The following FGGY variants were observed in gnomAD, a reference collection of about 807,000 sequenced individuals.
The protein encoded by FGGY is FGGY carbohydrate kinase domain-containing protein.
A neutral mutation model predicts 71.3 loss-of-function variants in FGGY; 72 were observed. The observed-to-expected ratio is 1.01, with a 90% confidence interval of 0.84 to 1.23. The LOEUF is 1.23. Ranked by LOEUF, FGGY falls within the 50% of genes most tolerant of loss-of-function variation. The pLI is 0.00. For missense variants in FGGY, 668 were observed against 682.3 expected, an observed-to-expected ratio of 0.98 and a Z score of 0.23; for synonymous variants, 251 against 250.3, an observed-to-expected ratio of 1.00 and a Z score of -0.02.
intron 1 of FGGY, among the ~76,000 whole-genome samples, chr1:59,316,589 C>G (rs2045498951): frequency 6.6e-6 from 1 of 152,182 alleles, no homozygotes. Context: ...GAATCAGCCA[C>G]AAAGTCTGTG....
At chr1:59,733,051 A>G (rs2098056178) in intron 14 of FGGY, among the ~76,000 whole-genome samples, 2 of 151,894 alleles carry the variant, frequency 1.3e-5, no homozygotes, top group South Asian at 2.1e-4. Flanking sequence ...CCTACTCGCT[A>G]CTACTACTTA....
At chr1:59,352,183 G>T (rs944792215) in intron 4 of FGGY, among the ~76,000 whole-genome samples, 1 of 152,194 alleles carries the variant, frequency 6.6e-6, no homozygotes. Flanking sequence ...GGCTTGAGCA[G>T]CTGGGGTCTC....
intron 1 of FGGY, among the ~76,000 whole-genome samples, chr1:59,303,719 A>T (rs1173416732): frequency 6.6e-6 from 1 of 152,106 alleles, no homozygotes; most frequent in Non-Finnish European, 1.5e-5. Flanking sequence ...TCCTACCAAC[A>T]GTGTACAATG....
intron 2 of FGGY, among the ~76,000 whole-genome samples, chr1:59,323,789 A>G (rs2046835374): frequency 6.6e-6 from 1 of 152,254 alleles, no homozygotes; most frequent in East Asian, 1.9e-4. Flanking sequence ...ATAGGATGTC[A>G]TAACATTGCC....
At chr1:59,559,992 G>C (rs1015723574) in intron 8 of FGGY, among the ~76,000 whole-genome samples, 2 of 152,162 alleles carry the variant, frequency 1.3e-5, no homozygotes, top group Non-Finnish European at 2.9e-5. Flanking sequence ...TTAAGTGTGG[G>C]CTGCACATAG....
intron 1 of FGGY, among the ~76,000 whole-genome samples, chr1:59,307,053 G>A (rs1412680979): frequency 6.6e-6 from 1 of 152,164 alleles, no homozygotes; most frequent in Non-Finnish European, 1.5e-5. Context: ...GGTGGCTCAT[G>A]TCTGTAATCT....
chr1:59,507,218 G>A (rs1054585327), intron 6 of FGGY, among the ~76,000 whole-genome samples: 2 of 152,206 alleles, frequency 1.3e-5, no homozygotes, highest in Non-Finnish European at 2.9e-5. Flanking sequence ...AACAGAGTTT[G>A]AACAGTTGGC....
intron 6 of FGGY, among the ~76,000 whole-genome samples, chr1:59,504,851 T>A (rs2153615174): frequency 6.6e-6 from 1 of 152,332 alleles, no homozygotes; most frequent in Non-Finnish European, 1.5e-5. Context: ...CTAAATTAAT[T>A]GATCTTTGTC....
intron 14 of FGGY, chr1:59,697,806 TG>T: frequency 1.2e-6 from 1 of 835,742 alleles, no homozygotes; most frequent in South Asian, 1.8e-5. Flanking sequence ...CTATTTTCTT[TG>T]TTTCTTCTGC....
At chr1:59,466,353 T>A (rs2092626737) in intron 6 of FGGY, among the ~76,000 whole-genome samples, 1 of 152,068 alleles carries the variant, frequency 6.6e-6, no homozygotes, top group African/African-American at 2.4e-5. Flanking sequence ...CAAAAATTAA[T>A]TCAAGATGGA....
At chr1:59,677,475 T>TGGGAAG (rs2097447629) in intron 14 of FGGY, among the ~76,000 whole-genome samples, 1 of 152,212 alleles carries the variant, frequency 6.6e-6, no homozygotes, top group Admixed American at 6.5e-5. Context: ...CTCCTTCAGA[T>TGGGAAG]GCTGGGAAGG....
chr1:59,617,320 A>C (rs1481228241), intron 9 of FGGY, among the ~76,000 whole-genome samples: 1 of 152,158 alleles, frequency 6.6e-6, no homozygotes, highest in Admixed American at 6.6e-5. Context: ...GATTTTAAAA[A>C]AAGATATTTG....
At position 59,617,362 on chromosome 1, in the gene FGGY, A is replaced by C. The variant is rs189120163; in HGVS notation, c.1012-8626A>C. Among the ~76,000 whole-genome samples the C allele has an allele frequency of 7.2e-5, 11 of 152,288 alleles. No homozygotes were observed. The East Asian group carries it at 1.3e-3, about 19-fold the overall frequency. On this transcript the variant is annotated intron_variant, in intron 9 of 15. Coordinates refer to ENST00000303721, the MANE Select transcript of FGGY (RefSeq NM_018291.5). ...TTTTACAATTAAATGCAGATCTTCCATTACAAAGCAATTATTTCATTCTAA... is the reference window on the plus strand; with the variant it reads ...TTTTACAATTAAATGCAGATCTTCCCTTACAAAGCAATTATTTCATTCTAA...
At chr1:59,406,685 A>G (rs1286274073) in intron 5 of FGGY, among the ~76,000 whole-genome samples, 1 of 152,192 alleles carries the variant, frequency 6.6e-6, no homozygotes, top group Non-Finnish European at 1.5e-5. Context: ...TCCCTTAGGA[A>G]CAATGGTCCA....
intron 5 of FGGY, 48 bp from the exon 6 acceptor site, chr1:59,456,913 G>A (rs2091756581): frequency 2.2e-6 from 3 of 1,373,374 alleles, no homozygotes; most frequent in Non-Finnish European, 3.1e-6. Flanking sequence ...TATAAAGGAA[G>A]CCTCACTCAT....
intron 14 of FGGY, among the ~76,000 whole-genome samples, chr1:59,691,191 C>A (rs911433915): frequency 6.6e-6 from 1 of 152,190 alleles, no homozygotes; most frequent in African/African-American, 2.4e-5. Flanking sequence ...AAGCACTGGA[C>A]TAGATCTTTC....
chr1:59,450,394 A>G (rs2072424747), intron 5 of FGGY, among the ~76,000 whole-genome samples: 4 of 152,252 alleles, frequency 2.6e-5, no homozygotes, highest in South Asian at 2.1e-4. Flanking sequence ...TGTCTGTTGT[A>G]TTTACTCACA....
chr1:59,380,572 C>T lies in FGGY; in HGVS notation c.554+1735C>T, dbSNP rs575079924. 4.9e-4 allele frequency among the ~76,000 whole-genome samples: 74 copies of T among 151,710 alleles called. 2 individuals are homozygous for T. Among genetic ancestry groups the T allele is most frequent in the South Asian group, 1.9e-3 (9 of 4,824 alleles). ...TGATGATGAGCATTTTTTCATGTGT[C>T]TTCTGGCTGCATAAATGTCTTCTTT... On this transcript the variant is annotated intron_variant, in intron 5 of 15. Coordinates refer to ENST00000303721, the MANE Select transcript of FGGY (RefSeq NM_018291.5).
intron 13 of FGGY, 57 bp from the exon 14 acceptor site, chr1:59,673,982 C>T (rs2097407593): frequency 5.9e-6 from 9 of 1,515,290 alleles, no homozygotes; most frequent in Admixed American, 1.8e-5. Context: ...TGCTTGTTGG[C>T]TCCTCACACT....
Sources: allele counts gnomAD v4.1 joint callset (sites outside exome capture counted in the v4.1 genomes callset), GRCh38; gene constraint gnomAD v4.1.1; transcripts MANE v1.5; gene names NCBI Gene and HGNC (gene_info 2026-07-23, HGNC 2026-07-21).